GDAP1L1: variants seen among roughly 807,000 people sequenced by gnomAD.
GDAP1L1 encodes ganglioside-induced differentiation-associated protein 1-like 1.
In GDAP1L1, 21 loss-of-function variants were observed where a neutral mutation model predicts 37.1. That is an observed-to-expected ratio of 0.57 (90% CI 0.40 to 0.81). GDAP1L1 has a LOEUF of 0.81. Ranked by LOEUF, GDAP1L1 falls within the 40% of genes least tolerant of loss-of-function variation. The pLI is 0.00. For synonymous variants in GDAP1L1, 193 were observed against 209.1 expected (o/e 0.92, Z 0.67); for missense variants, 362 against 491.6 (o/e 0.74, Z 2.49).
chr20:44,259,112 C>T (rs978044274), intron 3 of GDAP1L1, among the ~76,000 whole-genome samples: 1 of 152,142 alleles, frequency 6.6e-6, no homozygotes, highest in African/African-American at 2.4e-5. Flanking sequence ...GGAAGACTAC[C>T]CAGATGTGGC....
In GDAP1L1 at chr20:44,247,394, G is replaced by T; in HGVS notation, c.60G>T (p.Leu20=). Residue 20 remains leucine (L), a synonymous_variant, in exon 1 of 6, where the codon CTG becomes CTT. Coordinates refer to ENST00000342560, the MANE Select transcript of GDAP1L1 (RefSeq NM_024034.6). ...TNCSWWPISA[L]ESDAAKPAEA... ...GCAGCTGGTGGCCCATCTCCGCGCTGGAGAGCGATGCGGCCAAGCCAGCGG... is the reference window on the plus strand; with the variant it reads ...GCAGCTGGTGGCCCATCTCCGCGCTTGAGAGCGATGCGGCCAAGCCAGCGG... The T allele has an allele frequency of 6.2e-7, 1 of 1,613,174 alleles. No individual in the cohort carries two copies.
Position 44,279,375 on chromosome 20 carries a change from C to T in GDAP1L1, c.*75C>T. ...GATTCCCCGTGAGCTCTCAGTAACTCACTGTCTCATGAACACTTGGACAGC... is the reference window on the plus strand; with the variant it reads ...GATTCCCCGTGAGCTCTCAGTAACTTACTGTCTCATGAACACTTGGACAGC... On this transcript the variant is annotated 3_prime_UTR_variant, in exon 6 of 6. Coordinates refer to ENST00000342560, the MANE Select transcript of GDAP1L1 (RefSeq NM_024034.6). 1.0e-6 allele frequency: 1 copy of T among 953,236 alleles called. No individual in the cohort carries two copies. Among genetic ancestry groups the T allele is most frequent in the Non-Finnish European group, 1.7e-6 (1 of 597,124 alleles). 59.0% of individuals were successfully genotyped at this position (953,236 alleles called of 1,614,324 possible). A position where few individuals can be genotyped will look rare whatever the true frequency, so the allele number is the denominator to read the frequency against.
rs111939029 is a variant in GDAP1L1, at chr20:44,270,991, G to A, written c.760+6432G>A. ...AACTGTCGCAGCTGAACCAGGCAAG[G>A]TCACGTGCACTTGTAATTCCAGCTA... is the stretch of plus-strand genomic sequence containing the variant. On this transcript the variant is annotated intron_variant, in intron 5 of 5. Coordinates refer to ENST00000342560, the MANE Select transcript of GDAP1L1 (RefSeq NM_024034.6). Among the ~76,000 whole-genome samples the A allele has an allele frequency of 4.5e-3, 686 of 152,334 alleles. 2 individuals carry two copies. The highest frequency in any genetic ancestry group is 7.3e-3 in the Non-Finnish European group (499 of 68,040).
At chr20:44,271,137 G>A (rs2062511357) in intron 5 of GDAP1L1, among the ~76,000 whole-genome samples, 1 of 152,146 alleles carries the variant, frequency 6.6e-6, no homozygotes, top group South Asian at 2.1e-4. Context: ...AGTAGTACAT[G>A]CCTGTAGACC....
chr20:44,275,975 A>T (rs1302114093), intron 5 of GDAP1L1, among the ~76,000 whole-genome samples: 1 of 152,106 alleles, frequency 6.6e-6, no homozygotes, highest in Non-Finnish European at 1.5e-5. Context: ...TATTAGTAAG[A>T]TGTTAGTGCT....
intron 1 of GDAP1L1, 116 bp downstream of exon 1, chr20:44,247,630 G>A (rs2073356810): frequency 2.9e-6 from 3 of 1,029,972 alleles, no homozygotes; most frequent in African/African-American, 3.3e-5. Flanking sequence ...CTGGGGTTTG[G>A]GGGTCCCGGA....
rs373706129 is a variant in GDAP1L1, at chr20:44,279,329, G to C, written c.*29G>C. The C allele has an allele frequency of 7.1e-7, 1 of 1,416,444 alleles. No individual in the cohort carries two copies. Among genetic ancestry groups the C allele is most frequent in the Non-Finnish European group, 9.9e-7 (1 of 1,009,796 alleles). The allele number at this position is 1,416,444 out of a possible 1,614,324, so 87.7% of individuals were successfully genotyped here. A position where few individuals can be genotyped will look rare whatever the true frequency, so the allele number is the denominator to read the frequency against. On this transcript the variant is annotated 3_prime_UTR_variant, in exon 6 of 6. Transcript: ENST00000342560. ...CAGGCCTGGGGCTTGGTGTCTGACT[G>C]TCGGTGTCTCTGTGCTGTGTGATTC...
chr20:44,274,657 C>A (rs927122763), intron 5 of GDAP1L1, among the ~76,000 whole-genome samples: 1 of 152,202 alleles, frequency 6.6e-6, no homozygotes, highest in Admixed American at 6.5e-5. Flanking sequence ...TGAAAGGCGG[C>A]TCCTTCTTAT....
intron 1 of GDAP1L1, among the ~76,000 whole-genome samples, chr20:44,251,531 T>A (rs765979498): frequency 6.6e-6 from 1 of 152,162 alleles, no homozygotes; most frequent in Non-Finnish European, 1.5e-5. Context: ...CCTTTCAAAC[T>A]CTTAGGGCTG....
At chr20:44,278,205 G>A (rs886563420) in intron 5 of GDAP1L1, among the ~76,000 whole-genome samples, 8 of 151,336 alleles carry the variant, frequency 5.3e-5, no homozygotes, top group East Asian at 1.9e-4. Context: ...TGGTGGTTCC[G>A]AGGCTTTTGG....
chr20:44,257,415 C>A, intron 2 of GDAP1L1, 70 bp downstream of exon 2: 1 of 1,428,464 alleles, frequency 7.0e-7, no homozygotes. Flanking sequence ...CAGGCTCAGA[C>A]GGGGTCCCAG....
intron 5 of GDAP1L1, among the ~76,000 whole-genome samples, chr20:44,267,753 T>C (rs2062470464): frequency 6.6e-6 from 1 of 152,184 alleles, no homozygotes; most frequent in Admixed American, 6.5e-5. Flanking sequence ...ATATACATTG[T>C]GATCCAGAGA....
In GDAP1L1 at chr20:44,279,515, G is replaced by C. The variant is rs117524478; in HGVS notation, c.*215G>C. The C allele has an allele frequency of 6.8e-3, 4,792 of 703,254 alleles. 31 individuals carry two copies. Among genetic ancestry groups the C allele is most frequent in the Non-Finnish European group, 8.8e-3 (3,304 of 376,946 alleles). The allele number at this position is 703,254 out of a possible 1,614,324, so 43.6% of individuals were successfully genotyped here. ...GGCCACGGCTCTACTAAAAGAGAGA[G>C]AGGAAGCGAGAGAGAGAGAGAAAAA... is the stretch of plus-strand genomic sequence containing the variant. On this transcript the variant is annotated 3_prime_UTR_variant, in exon 6 of 6. Coordinates refer to ENST00000342560, the MANE Select transcript of GDAP1L1 (RefSeq NM_024034.6).
rs59432514 is a variant in GDAP1L1, at chr20:44,276,412, AAAAGAAAGAAAG to A, written c.761-2501_761-2490del. On this transcript the variant is annotated intron_variant, in intron 5 of 5. Transcript: ENST00000342560. The stretch of plus-strand genomic sequence containing the variant: ...AGAAAAGAAAGGGAAAGAAAAAAGA[AAAAGAAAGAAAG>A]AAAGAAAGAAAGAAAGAAAGAAAGA... Among the ~76,000 whole-genome samples, 335 of 113,378 alleles carry A rather than the reference AAAAGAAAGAAAG, an allele frequency of 3.0e-3. 2 individuals are homozygous for A. Among genetic ancestry groups the A allele is most frequent in the African/African-American group, 5.6e-3 (160 of 28,414 alleles). 74.4% of individuals were successfully genotyped at this position (113,378 alleles called of 152,430 possible).
intron 5 of GDAP1L1, among the ~76,000 whole-genome samples, chr20:44,265,721 T>C (rs2073751167): frequency 6.6e-6 from 1 of 152,136 alleles, no homozygotes; most frequent in Non-Finnish European, 1.5e-5. Context: ...ACTAGTTTAA[T>C]ACATATGGCA....
intron 5 of GDAP1L1, among the ~76,000 whole-genome samples, chr20:44,272,371 T>C (rs1214018681): frequency 6.6e-6 from 1 of 151,990 alleles, no homozygotes; most frequent in Non-Finnish European, 1.5e-5. Flanking sequence ...GAACGAACCA[T>C]GAGGTGATGT....
intron 2 of GDAP1L1, chr20:44,258,079 C>G: frequency 1.4e-6 from 1 of 699,114 alleles, no homozygotes; most frequent in Non-Finnish European, 2.7e-6. Flanking sequence ...CCCAGACATG[C>G]ACTGTTTTAA....
chr20:44,248,468 G>A (rs1244919719), intron 1 of GDAP1L1, among the ~76,000 whole-genome samples: 1 of 152,224 alleles, frequency 6.6e-6, no homozygotes, highest in Non-Finnish European at 1.5e-5. Context: ...TTTCCAGATG[G>A]AAAAACAGAA....
At position 44,255,541 on chromosome 20, in the gene GDAP1L1, C is replaced by CAAAAAAA. The variant is rs60318296; in HGVS notation, c.181-1588_181-1582dup. Among the ~76,000 whole-genome samples the CAAAAAAA allele has an allele frequency of 6.5e-4, 30 of 45,810 alleles. 1 individual carries two copies. Among genetic ancestry groups the CAAAAAAA allele is most frequent in the Non-Finnish European group, 1.1e-3 (23 of 21,224 alleles). The allele number at this position is 45,810 out of a possible 152,430, so 30.1% of individuals were successfully genotyped here. The stretch of plus-strand genomic sequence containing the variant: ...TGAGCAACAGAGCGAGACTCTGTCT[C>CAAAAAAA]AAAAAAAAAAAAAAAAAAAAAAAAA... On this transcript the variant is annotated intron_variant, in intron 1 of 5. Transcript: ENST00000342560.
Sources: gnomAD v4.1 joint callset for allele counts (sites outside exome capture counted in the v4.1 genomes callset) on GRCh38, gnomAD v4.1.1 for gene constraint, MANE v1.5 for transcripts, NCBI Gene and HGNC (gene_info 2026-07-23, HGNC 2026-07-21) for gene names.